The following NRCAM variants were observed in gnomAD, a reference collection of about 807,000 sequenced individuals.
The protein encoded by NRCAM is neuronal cell adhesion molecule.
In NRCAM, 83 loss-of-function variants were observed where a neutral mutation model predicts 156.5. The observed-to-expected ratio is 0.53, with a 90% CI of 0.44 to 0.64. The LOEUF (loss-of-function observed/expected upper bound fraction) is 0.64, where lower values mean the gene tolerates loss of function less well. NRCAM is among the 30% of genes least tolerant of loss of function. NRCAM has a pLI of 0.00. For missense variants in NRCAM, 1,417 were observed against 1,597.3 expected, an observed-to-expected ratio of 0.89 and a Z score of 1.92; for synonymous variants, 538 against 563.9, an observed-to-expected ratio of 0.95 and a Z score of 0.65.
At chr7:108,438,894 A>G (rs1357985685) in intron 1 of NRCAM, among the ~76,000 whole-genome samples, 3 of 152,194 alleles carry the variant, frequency 2.0e-5, no homozygotes, top group Admixed American at 1.3e-4. Context: ...ACAAAAAATA[A>G]AATACTTTAA....
intron 2 of NRCAM, among the ~76,000 whole-genome samples, chr7:108,351,407 C>T (rs1365974714): frequency 6.6e-6 from 1 of 152,186 alleles, no homozygotes; most frequent in Admixed American, 6.5e-5. Context: ...CCACAACTTA[C>T]TCCCCAGAGA....
intron 1 of NRCAM, among the ~76,000 whole-genome samples, chr7:108,440,070 T>A (rs749252095): frequency 4.6e-5 from 7 of 152,106 alleles, no homozygotes; most frequent in Non-Finnish European, 1.0e-4. Flanking sequence ...ACGCTAATAT[T>A]CATAGCAACA....
chr7:108,270,545 A>C (rs1194270987), intron 3 of NRCAM, among the ~76,000 whole-genome samples: 1 of 152,178 alleles, frequency 6.6e-6, no homozygotes, highest in Non-Finnish European at 1.5e-5. Flanking sequence ...TGAGCACACA[A>C]ATAACTATAC....
At chr7:108,196,251 C>A (rs527456171) in intron 14 of NRCAM, among the ~76,000 whole-genome samples, 2 of 152,254 alleles carry the variant, frequency 1.3e-5, no homozygotes, top group South Asian at 4.1e-4. Flanking sequence ...GTGGGGAACA[C>A]ATAAGCTGGC....
At chr7:108,392,032 G>C (rs1203563425) in intron 2 of NRCAM, among the ~76,000 whole-genome samples, 1 of 152,166 alleles carries the variant, frequency 6.6e-6, no homozygotes, top group Non-Finnish European at 1.5e-5. Context: ...CAACTTTGGT[G>C]AATCTGACAA....
intron 3 of NRCAM, among the ~76,000 whole-genome samples, chr7:108,299,018 A>C (rs994803386): frequency 6.8e-6 from 1 of 146,644 alleles, no homozygotes; most frequent in African/African-American, 2.5e-5. Flanking sequence ...AGGCAGAAGA[A>C]TCGCTTGAAC....
chr7:108,161,933 G>A (rs1324512161), intron 30 of NRCAM, among the ~76,000 whole-genome samples: 1 of 152,202 alleles, frequency 6.6e-6, no homozygotes, highest in Non-Finnish European at 1.5e-5. Context: ...CACAAGTAAA[G>A]CATCAGTTTA....
intron 3 of NRCAM, among the ~76,000 whole-genome samples, chr7:108,243,604 G>T (rs1487856140): frequency 2.0e-5 from 3 of 152,188 alleles, no homozygotes; most frequent in Non-Finnish European, 4.4e-5. Context: ...AGGCTAAGGA[G>T]TATGTTAGTG....
intron 2 of NRCAM, among the ~76,000 whole-genome samples, chr7:108,375,172 G>A (rs1032555412): frequency 6.6e-6 from 1 of 152,052 alleles, no homozygotes; most frequent in African/African-American, 2.4e-5. Flanking sequence ...AGCTATATAT[G>A]TGCCTATTTC....
At chr7:108,451,869 T>C (rs914423662) in intron 1 of NRCAM, among the ~76,000 whole-genome samples, 10 of 152,334 alleles carry the variant, frequency 6.6e-5, no homozygotes, top group Non-Finnish European at 1.0e-4. Context: ...TGGAGAGGTA[T>C]AGTGGTGATG....
intron 7 of NRCAM, 132 bp from the exon 8 acceptor site, chr7:108,231,285 A>G: frequency 1.7e-6 from 1 of 600,760 alleles, no homozygotes; most frequent in Non-Finnish European, 2.7e-6. Flanking sequence ...TAATGAGAAA[A>G]TATTTTTAAA....
At chr7:108,221,452 T>C (rs1347101483) in intron 11 of NRCAM, among the ~76,000 whole-genome samples, 1 of 152,142 alleles carries the variant, frequency 6.6e-6, no homozygotes, top group Non-Finnish European at 1.5e-5. Context: ...CCAACCCAAA[T>C]GCCCATCAAT....
chr7:108,380,342 A>G (rs1390966646), intron 2 of NRCAM, among the ~76,000 whole-genome samples: 1 of 152,178 alleles, frequency 6.6e-6, no homozygotes, highest in East Asian at 1.9e-4. Flanking sequence ...GCAGCATGAT[A>G]GATAATTTAT....
intron 20 of NRCAM, among the ~76,000 whole-genome samples, chr7:108,187,357 C>A (rs2067554199): frequency 6.6e-6 from 1 of 152,206 alleles, no homozygotes; most frequent in African/African-American, 2.4e-5. Flanking sequence ...GGCATCCTAG[C>A]AGACATGCCC....
At chr7:108,153,549 AAAT>A (rs1345317894) in intron 32 of NRCAM, among the ~76,000 whole-genome samples, 4 of 152,222 alleles carry the variant, frequency 2.6e-5, no homozygotes, top group East Asian at 1.9e-4. Flanking sequence ...TTGAAATCAG[AAAT>A]AATAATAATG....
chr7:108,264,080 C>T (rs2096989379), intron 3 of NRCAM, among the ~76,000 whole-genome samples: 2 of 152,092 alleles, frequency 1.3e-5, no homozygotes, highest in African/African-American at 4.8e-5. Flanking sequence ...CGAGTTCAAG[C>T]GATTCTCCTG....
intron 3 of NRCAM, 105 bp from the exon 4 acceptor site, chr7:108,240,275 C>T (rs1390374319): frequency 1.3e-5 from 5 of 380,316 alleles, no homozygotes; most frequent in Non-Finnish European, 2.4e-5. Flanking sequence ...TATACATGAA[C>T]TCTAAAAGAA....
chr7:108,344,946 G>C (rs1180764750), intron 2 of NRCAM, among the ~76,000 whole-genome samples: 1 of 152,124 alleles, frequency 6.6e-6, no homozygotes, highest in Non-Finnish European at 1.5e-5. Context: ...AAGGGGGAGG[G>C]AGAAGATAAG....
intron 3 of NRCAM, among the ~76,000 whole-genome samples, chr7:108,293,661 A>G (rs185160623): frequency 6.8e-4 from 103 of 152,332 alleles, no homozygotes; most frequent in African/African-American, 2.3e-3. Flanking sequence ...GACTGTGTAA[A>G]GTAACTAAAA....
Sources: gnomAD v4.1 joint callset for allele counts (sites outside exome capture counted in the v4.1 genomes callset) on GRCh38, gnomAD v4.1.1 for gene constraint, MANE v1.5 for transcripts, NCBI Gene and HGNC (gene_info 2026-07-23, HGNC 2026-07-21) for gene names.